The following CCSER1 variants were observed in gnomAD, a reference collection of about 807,000 sequenced individuals.
The protein encoded by CCSER1 is coiled-coil serine rich protein 1, also known as serine-rich coiled-coil domain-containing protein 1.
A neutral mutation model predicts 82.0 loss-of-function variants in CCSER1; 41 were observed. That is an observed-to-expected ratio of 0.50 (90% confidence interval 0.39 to 0.65). CCSER1 has a LOEUF of 0.65. Ranked by LOEUF, CCSER1 falls within the 30% of genes least tolerant of loss-of-function variation. CCSER1 has a pLI of 0.00. For synonymous variants in CCSER1, 414 were observed against 383.9 expected, an observed-to-expected ratio of 1.08 and a Z score of -0.92; for missense variants, 1,119 against 1,064.2, an observed-to-expected ratio of 1.05 and a Z score of -0.72.
chr4:91,523,801 T>C (rs1760631950), intron 10 of CCSER1, among the ~76,000 whole-genome samples: 1 of 152,192 alleles, frequency 6.6e-6, no homozygotes, highest in African/African-American at 2.4e-5. Context: ...TCTATCAATT[T>C]TGTTCATCTT....
chr4:90,919,824 G>C (rs966095540), intron 8 of CCSER1, among the ~76,000 whole-genome samples: 19 of 151,784 alleles, frequency 1.3e-4, no homozygotes. Context: ...CACAAAATCT[G>C]TCACTTTCAT....
At chr4:90,978,570 C>A (rs1735816921) in intron 9 of CCSER1, among the ~76,000 whole-genome samples, 1 of 150,790 alleles carries the variant, frequency 6.6e-6, no homozygotes, top group African/African-American at 2.5e-5. Flanking sequence ...AATGTCCTCA[C>A]ATAGCTTCTC....
intron 10 of CCSER1, among the ~76,000 whole-genome samples, chr4:91,172,577 G>A (rs7698968): frequency 0.71 from 108,296 of 152,056 alleles, 39,006 homozygotes; most frequent in Non-Finnish European, 0.78. Context: ...CACATGCCGG[G>A]TGCTTTGCTG....
At chr4:91,122,922 C>T (rs1361235434) in intron 10 of CCSER1, among the ~76,000 whole-genome samples, 1 of 151,624 alleles carries the variant, frequency 6.6e-6, no homozygotes, top group Non-Finnish European at 1.5e-5. Context: ...TTTTCTGAAT[C>T]AATTCTATTG....
At chr4:90,576,184 C>T (rs1780743648) in intron 5 of CCSER1, among the ~76,000 whole-genome samples, 2 of 151,654 alleles carry the variant, frequency 1.3e-5, no homozygotes. Flanking sequence ...ATTGACTTTT[C>T]AATATTTACT....
At chr4:90,260,295 G>A (rs1578805713) in intron 1 of CCSER1, among the ~76,000 whole-genome samples, 1 of 152,074 alleles carries the variant, frequency 6.6e-6, no homozygotes, top group Non-Finnish European at 1.5e-5. Flanking sequence ...GTATTTTTGT[G>A]GTATTGGTTA....
At position 91,345,257 on chromosome 4, in the gene CCSER1, G is replaced by A. The variant is rs528362291; in HGVS notation, c.2218-253315G>A. On this transcript the variant is annotated intron_variant, in intron 10 of 10. Coordinates refer to ENST00000509176, the MANE Select transcript of CCSER1 (RefSeq NM_001145065.2). ...AAATGCAAAATTAGCCAGGAGTGAGGGCGGGTGCTTCTCCAGCTGCTCAGG... is the reference window on the plus strand; with the variant it reads ...AAATGCAAAATTAGCCAGGAGTGAGAGCGGGTGCTTCTCCAGCTGCTCAGG... Among the ~76,000 whole-genome samples, 7 of 152,142 alleles carry A rather than the reference G, an allele frequency of 4.6e-5. No individual in the cohort carries two copies. The South Asian group carries it at 1.5e-3, about 32-fold the overall frequency.
At chr4:90,972,642 T>A (rs1735220160) in intron 9 of CCSER1, among the ~76,000 whole-genome samples, 1 of 151,672 alleles carries the variant, frequency 6.6e-6, no homozygotes. Context: ...ATCTCTTATT[T>A]TTTGCAGAAA....
chr4:91,411,856 T>TAA (rs35429800), intron 10 of CCSER1, among the ~76,000 whole-genome samples: 19 of 148,568 alleles, frequency 1.3e-4, no homozygotes, highest in Admixed American at 1.1e-3. Context: ...TGTTACACAG[T>TAA]AAAAAAAAAA....
chr4:90,186,514 C>T (rs1734643956), intron 1 of CCSER1, among the ~76,000 whole-genome samples: 1 of 151,864 alleles, frequency 6.6e-6, no homozygotes, highest in Non-Finnish European at 1.5e-5. Context: ...AATTAGAAAC[C>T]ATAAATGAGT....
At position 91,603,345 on chromosome 4, in the gene CCSER1, T is replaced by G. The variant is rs573734011; in HGVS notation, c.*4288T>G. On this transcript the variant is annotated 3_prime_UTR_variant, in exon 11 of 11. Transcript: ENST00000509176. ...AACTATTTATTTACAATACATTTGA[T>G]CTCGTTAAGACCCCAGTTCTATTTC... 6.6e-6 allele frequency: 1 copy of G among 152,110 alleles called. No individual in the cohort carries two copies. The highest frequency in any genetic ancestry group is 1.5e-5 in the Non-Finnish European group (1 of 67,974). The allele number at this position is 152,110 out of a possible 1,614,324, so 9.4% of individuals were successfully genotyped here.
chr4:90,754,499 G>T (rs993188705), intron 7 of CCSER1, among the ~76,000 whole-genome samples: 2 of 152,032 alleles, frequency 1.3e-5, no homozygotes, highest in Non-Finnish European at 2.9e-5. Flanking sequence ...TTCTGATCTA[G>T]TCCCTGTCTT....
chr4:90,482,958 T>A (rs1169572056), intron 5 of CCSER1, among the ~76,000 whole-genome samples: 1 of 152,186 alleles, frequency 6.6e-6, no homozygotes, highest in African/African-American at 2.4e-5. Flanking sequence ...ATCTGTCTGA[T>A]GTTGACAGTG....
chr4:90,695,662 T>A (rs936240103), intron 6 of CCSER1, among the ~76,000 whole-genome samples: 5 of 152,036 alleles, frequency 3.3e-5, no homozygotes, highest in African/African-American at 1.2e-4. Context: ...TTTAAAGGAA[T>A]CTCAATAGCT....
At position 90,617,101 on chromosome 4, in the gene CCSER1, T is replaced by A. The variant is rs76385048; in HGVS notation, c.1725-10924T>A. 2.1e-3 allele frequency among the ~76,000 whole-genome samples: 316 copies of A among 152,336 alleles called. 1 individual carries two copies. The highest frequency in any genetic ancestry group is 7.3e-3 in the African/African-American group (305 of 41,588). On this transcript the variant is annotated intron_variant, in intron 5 of 10. Transcript: ENST00000509176. The stretch of plus-strand genomic sequence containing the variant: ...CAATTATTACACATAAAACAATTTA[T>A]TCTTTTCAGAACAGTTTATTCTTTT...
intron 10 of CCSER1, among the ~76,000 whole-genome samples, chr4:91,406,608 T>C (rs187594540): frequency 8.9e-4 from 136 of 152,336 alleles, no homozygotes; most frequent in African/African-American, 3.1e-3. Context: ...TCGCATGTTA[T>C]GTAAGAATGT....
chr4:90,351,314 G>T (rs952763924), intron 3 of CCSER1, among the ~76,000 whole-genome samples: 1 of 152,112 alleles, frequency 6.6e-6, no homozygotes, highest in Non-Finnish European at 1.5e-5. Context: ...GGGTATCTTG[G>T]TGTTCACTTG....
intron 7 of CCSER1, among the ~76,000 whole-genome samples, chr4:90,767,225 C>CT (rs1000372436): frequency 3.9e-5 from 6 of 151,918 alleles, no homozygotes; most frequent in Non-Finnish European, 8.8e-5. Flanking sequence ...TAAGTTTGTT[C>CT]TTTTTTTTAG....
At position 90,843,316 on chromosome 4, in the gene CCSER1, G is replaced by A. The variant is rs567167369; in HGVS notation, c.2094+27471G>A. On this transcript the variant is annotated intron_variant, in intron 8 of 10. Coordinates refer to ENST00000509176, the MANE Select transcript of CCSER1 (RefSeq NM_001145065.2). ...TGCATCCAGTAAATGTAATTCCTACGGATTTTCAGGTGGCTCTTTGATCTG... is the reference window on the plus strand; with the variant it reads ...TGCATCCAGTAAATGTAATTCCTACAGATTTTCAGGTGGCTCTTTGATCTG... Among the ~76,000 whole-genome samples the A allele has an allele frequency of 5.3e-5, 8 of 152,152 alleles. 1 individual carries two copies. The highest frequency in any genetic ancestry group is 3.3e-4 in the Admixed American group (5 of 15,282).
Sources: allele counts gnomAD v4.1 joint callset (sites outside exome capture counted in the v4.1 genomes callset), GRCh38; gene constraint gnomAD v4.1.1; transcripts MANE v1.5; gene names NCBI Gene and HGNC (gene_info 2026-07-23, HGNC 2026-07-21).